The following GNG2 variants were observed in gnomAD, a reference collection of about 807,000 sequenced individuals.
GNG2 encodes G protein subunit gamma 2, also known as guanine nucleotide-binding protein G(I)/G(S)/G(O) subunit gamma-2.
Under a neutral mutation model 5.5 loss-of-function variants are expected in GNG2, and 5 were observed. The observed-to-expected ratio is 0.91, with a 90% CI of 0.48 to 1.92. The LOEUF is 1.92. GNG2 is among the 30% of genes most tolerant of loss of function. The pLI is 0.01. For synonymous variants in GNG2, 28 were observed against 32.0 expected, an observed-to-expected ratio of 0.88 and a Z score of 0.42; for missense variants, 55 against 88.4, an observed-to-expected ratio of 0.62 and a Z score of 1.52.
intron 1 of GNG2, among the ~76,000 whole-genome samples, chr14:51,861,824 G>A (rs868050945): frequency 3.3e-5 from 5 of 152,128 alleles, no homozygotes; most frequent in Non-Finnish European, 7.3e-5. Context: ...AAAGAATTAA[G>A]CTTTTTTAAT....
chr14:51,880,188 G>A (rs1178020754), intron 2 of GNG2, among the ~76,000 whole-genome samples: 2 of 152,214 alleles, frequency 1.3e-5, no homozygotes, highest in Admixed American at 1.3e-4. Context: ...GGCCCCTAGA[G>A]AGTATGCTGC....
intron 2 of GNG2, among the ~76,000 whole-genome samples, chr14:51,830,520 C>G (rs369398055): frequency 1.3e-5 from 2 of 152,200 alleles, no homozygotes; most frequent in African/African-American, 4.8e-5. Flanking sequence ...ATCTGCTTCT[C>G]CTGCATGTCT....
At chr14:51,909,629 G>A (rs35009719) in intron 2 of GNG2, among the ~76,000 whole-genome samples, 14,913 of 152,206 alleles carry the variant, frequency 0.098, 1,272 homozygotes, top group African/African-American at 0.23. Context: ...TGACTGATTC[G>A]TAGGCAGAGG....
chr14:51,877,889 C>T (rs59362673), intron 2 of GNG2: 24,566 of 277,872 alleles, frequency 0.088, 2,626 homozygotes, highest in African/African-American at 0.32. Flanking sequence ...CTTCTAAAAA[C>T]CTGAGTTGGA....
intron 3 of GNG2, among the ~76,000 whole-genome samples, chr14:51,966,231 A>AAGAAAAG (rs1555359165): frequency 9.2e-6 from 1 of 108,498 alleles, no homozygotes; most frequent in Non-Finnish European, 2.0e-5. Flanking sequence ...AAAAAAAAAA[A>AAGAAAAG]AAAAAACAAA....
chr14:51,932,589 A>C (rs1371097459), intron 2 of GNG2, among the ~76,000 whole-genome samples: 1 of 152,240 alleles, frequency 6.6e-6, no homozygotes, highest in African/African-American at 2.4e-5. Flanking sequence ...GTACCACTGC[A>C]CTCCAGCCTG....
Position 51,966,914 on chromosome 14 carries a change from G to T in GNG2, c.*227G>T. 1 of 250,256 alleles carries T rather than the reference G, an allele frequency of 4.0e-6. No individual in the cohort carries two copies. The highest frequency in any genetic ancestry group is 7.6e-6 in the Non-Finnish European group (1 of 131,414). The allele number at this position is 250,256 out of a possible 1,614,324, so 15.5% of individuals were successfully genotyped here. On this transcript the variant is annotated 3_prime_UTR_variant, in exon 4 of 4. Transcript: ENST00000556766. ...TTCTGACGAACTGCCTGGAGGAGGG[G>T]AATATATAAAAATAAAATTGGTGTC...
intron 2 of GNG2, among the ~76,000 whole-genome samples, chr14:51,949,367 T>C (rs1888839035): frequency 6.6e-6 from 1 of 152,190 alleles, no homozygotes; most frequent in Non-Finnish European, 1.5e-5. Flanking sequence ...ACAATAATTA[T>C]TTGTTGATTT....
chr14:51,924,976 T>G (rs1392382322), intron 2 of GNG2, among the ~76,000 whole-genome samples: 1 of 152,224 alleles, frequency 6.6e-6, no homozygotes, highest in Non-Finnish European at 1.5e-5. Context: ...CTAAGAAGTA[T>G]ATTCTTTAAC....
At chr14:51,908,552 ATCTATCTATC>A (rs1886087255) in intron 2 of GNG2, among the ~76,000 whole-genome samples, 1 of 151,202 alleles carries the variant, frequency 6.6e-6, no homozygotes, top group African/African-American at 2.4e-5. Context: ...CTATCTATCT[ATCTATCTATC>A]CATATATATA....
Position 51,966,682 on chromosome 14 carries a change from C to G in GNG2, c.211C>G (p.Leu71Val). 1 of 1,613,760 alleles carries G rather than the reference C, an allele frequency of 6.2e-7. No individual in the cohort carries two copies. Among genetic ancestry groups the G allele is most frequent in the African/African-American group, 1.3e-5 (1 of 75,010 alleles). The change falls in exon 4 of 4, where the codon CTT becomes GTT. Residue 71 changes from leucine (L) to valine (V), a missense_variant. Transcript: ENST00000556766. ...GGAGAAGAAGTTTTTCTGTGCCATC[C>G]TTTAAGTCTTTGAGAGGGGCCTGAA... ...FREKKFFCAI[L>V]
At chr14:51,906,757 C>CTTTTGTTTTTTT (rs375945377) in intron 2 of GNG2, among the ~76,000 whole-genome samples, 2 of 105,308 alleles carry the variant, frequency 1.9e-5, no homozygotes, top group East Asian at 3.4e-4. Flanking sequence ...TGGAGAATCT[C>CTTTTGTTTTTTT]TTTTTTTTTT....
intron 2 of GNG2, among the ~76,000 whole-genome samples, chr14:51,927,311 C>T (rs560241022): frequency 1.3e-5 from 2 of 152,274 alleles, no homozygotes; most frequent in African/African-American, 4.8e-5. Flanking sequence ...TTCTGATTCC[C>T]GTTTATCTTC....
At chr14:51,957,699 C>T (rs745977297) in intron 3 of GNG2, among the ~76,000 whole-genome samples, 5 of 152,114 alleles carry the variant, frequency 3.3e-5, no homozygotes, top group Non-Finnish European at 7.4e-5. Flanking sequence ...CAGTAATGTC[C>T]CTTTTAGCGA....
intron 2 of GNG2, among the ~76,000 whole-genome samples, chr14:51,922,529 C>T (rs1017502882): frequency 6.6e-6 from 1 of 152,094 alleles, no homozygotes; most frequent in African/African-American, 2.4e-5. Context: ...CTGACCCCTA[C>T]CCCTACCAGA....
intron 1 of GNG2, among the ~76,000 whole-genome samples, chr14:51,862,984 C>CTTT (rs10699121): frequency 0.045 from 6,442 of 143,000 alleles, 200 homozygotes; most frequent in Non-Finnish European, 0.056. Flanking sequence ...TTTAATTGTG[C>CTTT]TTTTTTTTTT....
chr14:51,967,892 G>C lies in GNG2; in HGVS notation c.*1205G>C, dbSNP rs975806537. The C allele has an allele frequency of 6.6e-6, 1 of 152,134 alleles. No homozygotes were observed. Among genetic ancestry groups the C allele is most frequent in the African/African-American group, 2.4e-5 (1 of 41,414 alleles). 9.4% of individuals were successfully genotyped at this position (152,134 alleles called of 1,614,324 possible). A position where few individuals can be genotyped will look rare whatever the true frequency, so the allele number is the denominator to read the frequency against. ...CAGAAGAAATAAACCCACAGCTCCA[G>C]AGAAGGTGACCATTCTCAGAACTCC... On this transcript the variant is annotated 3_prime_UTR_variant, in exon 4 of 4. Transcript: ENST00000556766.
chr14:51,893,095 G>C (rs1202643637), intron 2 of GNG2, among the ~76,000 whole-genome samples: 3 of 152,188 alleles, frequency 2.0e-5, no homozygotes, highest in African/African-American at 7.2e-5. Context: ...TAACTAACCT[G>C]TCATACATCC....
In GNG2 at chr14:51,837,106, G is replaced by A. The variant is rs1186795950; in HGVS notation, c.64+9299G>A. The stretch of plus-strand genomic sequence containing the variant: ...ACTCCTGACCTCAGGTGATCCACCC[G>A]CCTTGGCCTCCCAAAGTGCTGGGAT... On this transcript the variant is annotated intron_variant, in intron 2 of 3. Coordinates refer to the GNG2 transcript ENST00000553432. Among the ~76,000 whole-genome samples the A allele has an allele frequency of 3.3e-5, 5 of 151,692 alleles. No homozygotes were observed. The South Asian group carries it at 6.2e-4, about 19-fold the overall frequency.
Sources: gnomAD v4.1 joint callset for allele counts (sites outside exome capture counted in the v4.1 genomes callset) on GRCh38, gnomAD v4.1.1 for gene constraint, MANE v1.5 for transcripts, NCBI Gene and HGNC (gene_info 2026-07-23, HGNC 2026-07-21) for gene names.